GRID1: variants seen among roughly 807,000 people sequenced by gnomAD.
The protein encoded by GRID1 is glutamate ionotropic receptor delta type subunit 1, also known as glutamate receptor ionotropic, delta-1.
GRID1 carries 28 observed loss-of-function variants against 98.0 expected under a neutral mutation model. The observed-to-expected ratio is 0.29, with a 90% CI of 0.21 to 0.39. GRID1 has a LOEUF of 0.39. Ranked by LOEUF, GRID1 falls within the 10% of genes least tolerant of loss-of-function variation. The pLI is 1.00. For synonymous variants in GRID1, 553 were observed against 538.5 expected (o/e 1.03, Z -0.37); for missense variants, 1,111 against 1,340.5 (o/e 0.83, Z 2.67).
At chr10:85,936,289 C>G (rs1224103491) in intron 4 of GRID1, among the ~76,000 whole-genome samples, 2 of 152,256 alleles carry the variant, frequency 1.3e-5, no homozygotes, top group East Asian at 1.9e-4. Context: ...CTGGGAAGCT[C>G]TAAGCCTGGA....
At position 85,602,482 on chromosome 10, in the gene GRID1, G is replaced by A. The variant is rs754215993; in HGVS notation, c.2821C>T (p.Arg941Trp). The A allele has an allele frequency of 1.7e-5, 28 of 1,614,066 alleles. No individual in the cohort carries two copies. The highest frequency in any genetic ancestry group is 2.7e-5 in the African/African-American group (2 of 74,944). The change falls in exon 16 of 16, where the codon CGG becomes TGG. Residue 941 changes from arginine (R) to tryptophan (W), a missense_variant. Transcript: ENST00000327946. ...CTGCTGGGCCCTGATGAGAGTGTCC[G>A]GCTGGTGCCATGGCTGCTCTGCTCT... is the stretch of plus-strand genomic sequence containing the variant. Reference protein sequence around the residue: ...LPEQSSHGTSRTLSSGPSSNL... With the variant: ...LPEQSSHGTSWTLSSGPSSNL...
chr10:86,141,345 A>G (rs754007322), intron 3 of GRID1, among the ~76,000 whole-genome samples: 27 of 152,320 alleles, frequency 1.8e-4, no homozygotes, highest in Admixed American at 2.6e-4. Flanking sequence ...GGTGAAGAAG[A>G]TAAAGACCTC....
intron 2 of GRID1, among the ~76,000 whole-genome samples, chr10:86,332,547 C>A (rs1274082865): frequency 6.6e-6 from 1 of 152,026 alleles, no homozygotes; most frequent in African/African-American, 2.4e-5. Context: ...AATGTCACCC[C>A]CAATAAGCCT....
chr10:85,753,885 A>T (rs1842071329), intron 8 of GRID1, among the ~76,000 whole-genome samples: 1 of 152,232 alleles, frequency 6.6e-6, no homozygotes, highest in African/African-American at 2.4e-5. Flanking sequence ...CATTAGCTGT[A>T]GTTTAAGCCT....
chr10:86,304,396 C>A (rs73338232), intron 2 of GRID1, among the ~76,000 whole-genome samples: 10,894 of 152,280 alleles, frequency 0.072, 1,110 homozygotes, highest in African/African-American at 0.23. Flanking sequence ...ACTCAGCTCC[C>A]TGTGAATCCT....
At chr10:85,646,847 C>T (rs1167646730) in intron 13 of GRID1, 1 of 291,614 alleles carries the variant, frequency 3.4e-6, no homozygotes, top group Non-Finnish European at 6.8e-6. Context: ...CCTCCCTTCA[C>T]TCCTGCAACT....
intron 4 of GRID1, among the ~76,000 whole-genome samples, chr10:85,947,061 C>T (rs914683122): frequency 1.1e-4 from 17 of 152,282 alleles, no homozygotes; most frequent in African/African-American, 3.9e-4. Flanking sequence ...ACTGTCCACC[C>T]GCACCATTAT....
rs1304607073 is a variant in GRID1 at position 85,856,056 on chromosome 10, C to T, written c.1086G>A (p.Gly362=). 5 of 1,614,104 alleles carry T rather than the reference C, an allele frequency of 3.1e-6. No homozygotes were observed. In the Admixed American group the frequency reaches 6.7e-5, roughly 22 times the overall value. Residue 362 remains glycine, a synonymous_variant, in exon 7 of 16, where the codon GGG becomes GGA. Transcript: ENST00000327946. ...TTTTGATGGTATCCAGCATGGACCT[C>T]CCACCATTCCATGGCTTAGTGGATT... ...IRKSTKPWNG[G]RSMLDTIKKG...
chr10:86,240,917 C>T (rs571182745), intron 2 of GRID1, among the ~76,000 whole-genome samples: 64 of 152,332 alleles, frequency 4.2e-4, no homozygotes, highest in African/African-American at 1.3e-3. Flanking sequence ...TGTGGAAAGG[C>T]GTGGAAGGTG....
chr10:85,921,176 G>A (rs999614982), intron 4 of GRID1, among the ~76,000 whole-genome samples: 2 of 152,236 alleles, frequency 1.3e-5, no homozygotes, highest in Non-Finnish European at 2.9e-5. Flanking sequence ...CTGCGAGGCT[G>A]GGTGCAGTCA....
chr10:86,065,874 G>A (rs1273255393), intron 4 of GRID1, among the ~76,000 whole-genome samples: 1 of 152,162 alleles, frequency 6.6e-6, no homozygotes, highest in African/African-American at 2.4e-5. Context: ...AGATGTGAGG[G>A]GCTACAGAAT....
chr10:85,768,876 T>C (rs1056562267), intron 8 of GRID1, among the ~76,000 whole-genome samples: 1 of 152,218 alleles, frequency 6.6e-6, no homozygotes, highest in Non-Finnish European at 1.5e-5. Flanking sequence ...TTGTAACCAG[T>C]AATTATATTT....
At chr10:86,271,513 A>C (rs1335867278) in intron 2 of GRID1, among the ~76,000 whole-genome samples, 1 of 152,254 alleles carries the variant, frequency 6.6e-6, no homozygotes, top group Non-Finnish European at 1.5e-5. Flanking sequence ...AAAGATATTA[A>C]AACAGTCATT....
At chr10:86,198,332 C>G (rs1473106528) in intron 3 of GRID1, among the ~76,000 whole-genome samples, 1 of 152,006 alleles carries the variant, frequency 6.6e-6, no homozygotes, top group African/African-American at 2.4e-5. Flanking sequence ...GAGCTGACCC[C>G]CAAGCTCTCT....
chr10:86,030,981 C>T (rs1414292377), intron 4 of GRID1, among the ~76,000 whole-genome samples: 4 of 152,100 alleles, frequency 2.6e-5, no homozygotes, highest in African/African-American at 9.7e-5. Flanking sequence ...ACTATGTAAA[C>T]ATCATACCTG....
chr10:85,741,968 G>T (rs966023693), intron 8 of GRID1, among the ~76,000 whole-genome samples: 10 of 152,120 alleles, frequency 6.6e-5, no homozygotes, highest in Admixed American at 2.0e-4. Context: ...CATCTGGTGG[G>T]TCTTGCCTGA....
chr10:85,771,821 G>A (rs1305853424), intron 8 of GRID1, among the ~76,000 whole-genome samples: 1 of 152,146 alleles, frequency 6.6e-6, no homozygotes, highest in Non-Finnish European at 1.5e-5. Context: ...GATTCATAAA[G>A]CAAGTCCTGA....
intron 5 of GRID1, among the ~76,000 whole-genome samples, chr10:85,880,129 A>G (rs1441212814): frequency 6.6e-6 from 1 of 152,232 alleles, no homozygotes; most frequent in Non-Finnish European, 1.5e-5. Context: ...GGCAATAATC[A>G]ATAGCTTACC....
intron 12 of GRID1, among the ~76,000 whole-genome samples, chr10:85,673,660 G>A (rs1841112390): frequency 6.6e-6 from 1 of 152,116 alleles, no homozygotes; most frequent in Admixed American, 6.5e-5. Flanking sequence ...ATTAAAGTAT[G>A]TATATTTTTT....
Sources: allele counts gnomAD v4.1 joint callset (sites outside exome capture counted in the v4.1 genomes callset), GRCh38; gene constraint gnomAD v4.1.1; transcripts MANE v1.5; gene names NCBI Gene and HGNC (gene_info 2026-07-23, HGNC 2026-07-21).